PLA2G4D: variants seen among roughly 807,000 people sequenced by gnomAD.
PLA2G4D encodes cytosolic phospholipase A2 delta.
PLA2G4D carries 80 observed loss-of-function variants against 94.4 expected under a neutral mutation model. The observed-to-expected ratio is 0.85, with a 90% CI of 0.71 to 1.02. PLA2G4D has a LOEUF of 1.02. Among genes scored for constraint, PLA2G4D ranks in the 50% least tolerant of loss-of-function variants. PLA2G4D has a pLI of 0.00. For missense variants in PLA2G4D, 1,050 were observed against 1,034.7 expected, an observed-to-expected ratio of 1.01 and a Z score of -0.20; for synonymous variants, 438 against 440.9, an observed-to-expected ratio of 0.99 and a Z score of 0.08.
chr15:42,068,306 A>T lies in PLA2G4D; in HGVS notation c.*409T>A. 6.0e-6 allele frequency: 1 copy of T among 166,022 alleles called. No individual in the cohort carries two copies. The highest frequency in any genetic ancestry group is 1.7e-4 in the East Asian group (1 of 5,720). The allele number at this position is 166,022 out of a possible 1,614,324, so 10.3% of individuals were successfully genotyped here. A position where few individuals can be genotyped will look rare whatever the true frequency, so the allele number is the denominator to read the frequency against. On this transcript the variant is annotated 3_prime_UTR_variant, in exon 20 of 20. Coordinates refer to ENST00000290472, the MANE Select transcript of PLA2G4D (RefSeq NM_178034.4). Reference sequence around the variant, plus strand: ...GAGGTGGAGGAGCAGGAAGAAGATGAGGAGGCAATGTGTTCAGGATGTCTT... The same window carrying T: ...GAGGTGGAGGAGCAGGAAGAAGATGTGGAGGCAATGTGTTCAGGATGTCTT...
At position 42,068,889 on chromosome 15, in the gene PLA2G4D, C is replaced by T; in HGVS notation, c.2283G>A (p.Gly761=). Residue 761 remains glycine (G), a synonymous_variant, in exon 20 of 20, where the codon GGG becomes GGA. Transcript: ENST00000290472. ...ELQGGQVDLT[G]ATCPYTLSNM... is the part of the protein sequence containing the mutation. The stretch of plus-strand genomic sequence containing the variant: ...TGGACAGGGTGTAGGGGCAGGTGGC[C>T]CCGGTGAGATCCACTTGGCCACCCT... 1 of 1,613,188 alleles carries T rather than the reference C, an allele frequency of 6.2e-7. No homozygotes were observed. The highest frequency in any genetic ancestry group is 1.1e-5 in the South Asian group (1 of 91,066).
chr15:42,077,673 T>C (rs1292447755), intron 13 of PLA2G4D, among the ~76,000 whole-genome samples: 1 of 152,242 alleles, frequency 6.6e-6, no homozygotes. Context: ...TTCCAATCCA[T>C]CCTGCCTACT....
intron 14 of PLA2G4D, 53 bp downstream of exon 14, chr15:42,072,222 T>G (rs1294039162): frequency 8.2e-6 from 12 of 1,460,474 alleles, no homozygotes; most frequent in Non-Finnish European, 9.5e-6. Context: ...GCTGTCGGGG[T>G]GCAGAGGGTT....
At chr15:42,075,421 C>T (rs184801371) in intron 13 of PLA2G4D, among the ~76,000 whole-genome samples, 1 of 152,334 alleles carries the variant, frequency 6.6e-6, no homozygotes, top group African/African-American at 2.4e-5. Context: ...TAAAACACAA[C>T]ACCATCAAAA....
intron 1 of PLA2G4D, among the ~76,000 whole-genome samples, chr15:42,093,818 G>T (rs1323759095): frequency 6.6e-6 from 1 of 152,208 alleles, no homozygotes; most frequent in East Asian, 1.9e-4. Context: ...GCCACCACCT[G>T]GGGCACCGGG....
chr15:42,092,942 C>A (rs918907811), intron 1 of PLA2G4D, among the ~76,000 whole-genome samples: 2 of 152,182 alleles, frequency 1.3e-5, no homozygotes, highest in South Asian at 4.1e-4. Flanking sequence ...GCACTGGCGC[C>A]CTGTGGTGGG....
At chr15:42,094,275 T>A in intron 1 of PLA2G4D, 140 bp downstream of exon 1, 146 of 712,764 alleles carry the variant, frequency 2.0e-4, no homozygotes, top group East Asian at 4.7e-4. Flanking sequence ...CCCCACCCAC[T>A]CTGCATCCCA....
chr15:42,081,680 C>A, intron 10 of PLA2G4D, 66 bp from the exon 11 acceptor site: 4 of 1,610,404 alleles, frequency 2.5e-6, no homozygotes, highest in East Asian at 2.2e-5. Context: ...CTGGCCAAGC[C>A]CACAATGAGC....
intron 13 of PLA2G4D, among the ~76,000 whole-genome samples, chr15:42,078,113 G>C (rs1484965054): frequency 6.6e-6 from 1 of 152,256 alleles, no homozygotes; most frequent in Non-Finnish European, 1.5e-5. Context: ...TGCTGCTCTG[G>C]ACACACTGCT....
In PLA2G4D at chr15:42,086,194, T is replaced by TGGGGGGGGGGCCCCCC; in HGVS notation, c.387+18_387+19insGGGGGGCCCCCCCCCC. 5 of 1,370,442 alleles carry TGGGGGGGGGGCCCCCC rather than the reference T, an allele frequency of 3.6e-6. No homozygotes were observed. The highest frequency in any genetic ancestry group is 4.8e-6 in the Non-Finnish European group (5 of 1,043,082). The allele number at this position is 1,370,442 out of a possible 1,614,324, so 84.9% of individuals were successfully genotyped here. A position where few individuals can be genotyped will look rare whatever the true frequency, so the allele number is the denominator to read the frequency against. On this transcript the variant is annotated intron_variant, in intron 4 of 19. Transcript: ENST00000290472. ...GGAAGAAGTGGGGCCCACGGGGACT[T>TGGGGGGGGGGCCCCCC]CCCCACCCACCCACCCACCTGGGGA...
chr15:42,094,535 C>A lies in PLA2G4D; in HGVS notation c.-76G>T. 6.4e-7 allele frequency: 1 copy of A among 1,563,610 alleles called. No homozygotes were observed. Among genetic ancestry groups the A allele is most frequent in the South Asian group, 1.1e-5 (1 of 89,224 alleles). On this transcript the variant is annotated 5_prime_UTR_variant, in exon 1 of 20. Coordinates refer to ENST00000290472, the MANE Select transcript of PLA2G4D (RefSeq NM_178034.4). Reference sequence around the variant, plus strand: ...TCTCTGGCTGAGTGGCAGCGACGGTCCCAGTGGGATAGGACCAGCATGAAT... The same window carrying A: ...TCTCTGGCTGAGTGGCAGCGACGGTACCAGTGGGATAGGACCAGCATGAAT...
intron 18 of PLA2G4D, 34 bp downstream of exon 18, chr15:42,070,683 G>A (rs1204475893): frequency 6.5e-7 from 1 of 1,544,236 alleles, no homozygotes; most frequent in South Asian, 1.2e-5. Context: ...TGGCCTGGCT[G>A]GGCAGAGGGG....
intron 4 of PLA2G4D, 97 bp downstream of exon 4, chr15:42,086,116 C>G (rs1890139448): frequency 2.2e-6 from 3 of 1,348,168 alleles, no homozygotes; most frequent in Non-Finnish European, 3.0e-6. Flanking sequence ...ATGAGTTCAC[C>G]CCAGCAGCCT....
rs757102814 is a variant in PLA2G4D at position 42,083,213 on chromosome 15, C to T, written c.657G>A (p.Leu219=). ...CAAGACCCACCCTCAGGCGCCCGCT[C>T]AGCTCTGTCTCTAGGGCTGCCATGT... ...FHYMAALETE[L]SGRLRSSRSN... Residue 219 remains leucine (L), a synonymous_variant, in exon 8 of 20, where the codon CTG becomes CTA. Coordinates refer to ENST00000290472, the MANE Select transcript of PLA2G4D (RefSeq NM_178034.4). The T allele has an allele frequency of 3.8e-5, 61 of 1,613,818 alleles. No individual in the cohort carries two copies. The highest frequency in any genetic ancestry group is 5.1e-5 in the Non-Finnish European group (60 of 1,179,920).
chr15:42,071,472 C>G lies in PLA2G4D; in HGVS notation c.1653G>C (p.Gln551His). The G allele has an allele frequency of 6.2e-7, 1 of 1,613,696 alleles. No homozygotes were observed. The part of the protein sequence containing the change: ...DLTSSGESWK[Q>H]HIKDKTRSLE... ...AGCTCCTGGTCTTGTCCTTGATGTG[C>G]TGTTTCCAGGACTCCCCAGAACTGG... is the stretch of plus-strand genomic sequence containing the variant. The change falls in exon 16 of 20, where the codon CAG (glutamine) becomes CAC (histidine). Residue 551 changes from glutamine (Q) to histidine (H), a missense_variant. Physicochemically the swap from Gln to His is conservative, Grantham distance 24 (BLOSUM62 0). Coordinates refer to ENST00000290472, the MANE Select transcript of PLA2G4D (RefSeq NM_178034.4).
rs1278224368 is a variant in PLA2G4D, at chr15:42,067,216, ACGCACCCTTG to A, written c.*1489_*1498del. The stretch of plus-strand genomic sequence containing the variant: ...GGTGTGTGTGTGTGTGTATGTGTAC[ACGCACCCTTG>A]CATGAGGGAGGTAAGAAATGTGCTA... On this transcript the variant is annotated 3_prime_UTR_variant, in exon 20 of 20. Coordinates refer to ENST00000290472, the MANE Select transcript of PLA2G4D (RefSeq NM_178034.4). 6.6e-6 allele frequency: 1 copy of A among 152,202 alleles called. No homozygotes were observed. Among genetic ancestry groups the A allele is most frequent in the Non-Finnish European group, 1.5e-5 (1 of 68,082 alleles). 9.4% of individuals were successfully genotyped at this position (152,202 alleles called of 1,614,324 possible). A position where few individuals can be genotyped will look rare whatever the true frequency, so the allele number is the denominator to read the frequency against.
In PLA2G4D at chr15:42,071,796, C is replaced by G. The variant is rs768077510; in HGVS notation, c.1551G>C (p.Glu517Asp). ...CACCTTCCAGAAAGCAGATCCGGGG[C>G]TCCGGGATCCTCCTCATCAGCCGTC... Reference protein sequence around the residue: ...FMGRLMRRIPEPRICFLEAIW... With the variant: ...FMGRLMRRIPDPRICFLEAIW... The change falls in exon 15 of 20, where the codon GAG (glutamate) becomes GAC (aspartate). Residue 517 changes from glutamate to aspartate, a missense_variant. Transcript: ENST00000290472. The G allele has an allele frequency of 2.5e-6, 4 of 1,614,168 alleles. No homozygotes were observed. Among genetic ancestry groups the G allele is most frequent in the Non-Finnish European group, 2.5e-6 (3 of 1,180,028 alleles).
At chr15:42,079,943 T>C (rs1168683678) in intron 12 of PLA2G4D, among the ~76,000 whole-genome samples, 184 bp from the exon 13 acceptor site, 1 of 152,252 alleles carries the variant, frequency 6.6e-6, no homozygotes, top group Non-Finnish European at 1.5e-5. Flanking sequence ...ATTAATACGA[T>C]GTGAGCCACA....
In PLA2G4D at chr15:42,085,488, C is replaced by CA; in HGVS notation, c.428+2dup. On this transcript the variant is annotated splice_region_variant and intron_variant, in intron 5 of 19. Coordinates refer to ENST00000290472, the MANE Select transcript of PLA2G4D (RefSeq NM_178034.4). ...ACTCCCTGGGCTGTGTGACATTACT[C>CA]ACGTTTCTTCCATCAGGAACTCCAC... 6.2e-7 allele frequency: 1 copy of CA among 1,614,062 alleles called. No individual in the cohort carries two copies. The highest frequency in any genetic ancestry group is 1.3e-5 in the African/African-American group (1 of 75,030).
Sources: gnomAD v4.1 joint callset for allele counts (sites outside exome capture counted in the v4.1 genomes callset) on GRCh38, gnomAD v4.1.1 for gene constraint, MANE v1.5 for transcripts, NCBI Gene and HGNC (gene_info 2026-07-23, HGNC 2026-07-21) for gene names.